Variants in NELL1 observed in about 807,000 individuals in gnomAD.
NELL1 encodes the protein neural EGFL like 1.
A neutral mutation model predicts 107.4 loss-of-function variants in NELL1; 76 were observed. That is an observed-to-expected ratio of 0.71 (90% CI 0.59 to 0.86). NELL1 has a LOEUF of 0.86. Among genes scored for constraint, NELL1 ranks in the 40% least tolerant of loss-of-function variants. The probability of loss-of-function intolerance (pLI) is 0.00; values close to 1 mark genes in which losing one functional copy is unlikely to be tolerated. For synonymous variants in NELL1, 353 were observed against 341.2 expected, an observed-to-expected ratio of 1.03 and a Z score of -0.38; for missense variants, 1,024 against 1,005.5, an observed-to-expected ratio of 1.02 and a Z score of -0.25.
chr11:20,744,411 T>C (rs1488951284), intron 2 of NELL1, among the ~76,000 whole-genome samples: 1 of 152,240 alleles, frequency 6.6e-6, no homozygotes, highest in African/African-American at 2.4e-5. Flanking sequence ...AGTCAGCTAT[T>C]GCTGTATAAC....
At chr11:21,089,319 C>T (rs1018802443) in intron 12 of NELL1, among the ~76,000 whole-genome samples, 8 of 152,088 alleles carry the variant, frequency 5.3e-5, no homozygotes, top group African/African-American at 1.9e-4. Context: ...TGAAAACTAA[C>T]CAAAGTGCTA....
chr11:20,748,290 T>C (rs200661212), intron 2 of NELL1, among the ~76,000 whole-genome samples: 2 of 152,186 alleles, frequency 1.3e-5, no homozygotes, highest in East Asian at 1.9e-4. Context: ...TCCAGCCACA[T>C]TGAGGTCCTT....
At chr11:21,423,325 G>A (rs1450707674) in intron 15 of NELL1, among the ~76,000 whole-genome samples, 1 of 151,998 alleles carries the variant, frequency 6.6e-6, no homozygotes, top group Non-Finnish European at 1.5e-5. Flanking sequence ...AGCTGAGATT[G>A]CACCACTGCA....
chr11:20,748,915 TC>T (rs1564891830), intron 2 of NELL1, among the ~76,000 whole-genome samples: 2 of 123,862 alleles, frequency 1.6e-5, no homozygotes, highest in African/African-American at 6.8e-5. Flanking sequence ...CAGCCACCCA[TC>T]CATCCATCCA....
intron 15 of NELL1, among the ~76,000 whole-genome samples, chr11:21,462,449 C>G (rs1408321512): frequency 6.6e-6 from 1 of 152,022 alleles, no homozygotes; most frequent in African/African-American, 2.4e-5. Flanking sequence ...TTTTCTTTCC[C>G]CCCTCTACAA....
At chr11:21,511,496 T>C (rs905411193) in intron 15 of NELL1, among the ~76,000 whole-genome samples, 1 of 151,972 alleles carries the variant, frequency 6.6e-6, no homozygotes, top group Non-Finnish European at 1.5e-5. Context: ...TACAGTGCAG[T>C]GAAGGAAGAG....
chr11:20,705,581 A>T (rs193286461), intron 2 of NELL1, among the ~76,000 whole-genome samples: 21,492 of 141,270 alleles, frequency 0.15, 4,402 homozygotes, highest in African/African-American at 0.19. Context: ...AACCTAGGCA[A>T]TACCATTCAG....
intron 12 of NELL1, among the ~76,000 whole-genome samples, chr11:21,094,026 C>T (rs1306106201): frequency 6.6e-6 from 1 of 152,174 alleles, no homozygotes; most frequent in Non-Finnish European, 1.5e-5. Flanking sequence ...TCGAAAGTCT[C>T]ATCTGAGACA....
chr11:21,173,900 C>T (rs10500899), intron 13 of NELL1, among the ~76,000 whole-genome samples: 51,661 of 151,364 alleles, frequency 0.34, 9,156 homozygotes, highest in Middle Eastern at 0.39. Flanking sequence ...GATACCTAAT[C>T]TCTGTCCTAA....
intron 3 of NELL1, among the ~76,000 whole-genome samples, chr11:20,832,155 A>G (rs1049902130): frequency 3.3e-5 from 5 of 152,210 alleles, no homozygotes; most frequent in African/African-American, 4.8e-5. Flanking sequence ...GTGTCTCACT[A>G]TGAATGACCG....
chr11:21,256,573 G>A (rs1858773676), intron 14 of NELL1, among the ~76,000 whole-genome samples: 1 of 151,882 alleles, frequency 6.6e-6, no homozygotes, highest in Non-Finnish European at 1.5e-5. Context: ...GACTTCTTGG[G>A]GTCAGCTGTG....
At chr11:20,885,298 A>C (rs78655755) in intron 4 of NELL1, 146 bp from the exon 5 acceptor site, 1 of 599,586 alleles carries the variant, frequency 1.7e-6, no homozygotes, top group Non-Finnish European at 3.1e-6. Context: ...AGATCTCTAC[A>C]TTCATGTTAT....
At chr11:20,928,343 T>TC (rs1416859068) in intron 8 of NELL1, 34 bp from the exon 9 acceptor site, 1 of 1,568,160 alleles carries the variant, frequency 6.4e-7, no homozygotes, top group Non-Finnish European at 8.8e-7. Context: ...AAAGGATACT[T>TC]CTGAGATTAT....
intron 15 of NELL1, among the ~76,000 whole-genome samples, chr11:21,479,227 T>C (rs1854427398): frequency 6.7e-6 from 1 of 148,300 alleles, no homozygotes; most frequent in African/African-American, 2.5e-5. Context: ...ATCAAAGAGA[T>C]ATCTACACTC....
chr11:20,684,394 C>T (rs1262251738), intron 2 of NELL1, among the ~76,000 whole-genome samples: 1 of 151,994 alleles, frequency 6.6e-6, no homozygotes, highest in Non-Finnish European at 1.5e-5. Context: ...TCTGTCATTA[C>T]TATCACTTAG....
intron 12 of NELL1, among the ~76,000 whole-genome samples, chr11:20,978,125 G>A (rs1246962737): frequency 6.6e-6 from 1 of 152,168 alleles, no homozygotes; most frequent in Non-Finnish European, 1.5e-5. Context: ...CTTTGTAAGA[G>A]GGAATTGAGG....
intron 15 of NELL1, among the ~76,000 whole-genome samples, chr11:21,423,208 T>C (rs935095498): frequency 2.3e-4 from 35 of 150,942 alleles, no homozygotes; most frequent in African/African-American, 8.3e-4. Flanking sequence ...CCACTAAAAA[T>C]ACAAAAAAAA....
At chr11:21,528,159 C>T (rs752402183) in intron 15 of NELL1, among the ~76,000 whole-genome samples, 13 of 152,124 alleles carry the variant, frequency 8.5e-5, no homozygotes, top group South Asian at 2.1e-4. Flanking sequence ...AGTTACAGAA[C>T]GATAAATATC....
intron 2 of NELL1, among the ~76,000 whole-genome samples, chr11:20,742,126 A>T (rs1035669676): frequency 6.6e-6 from 1 of 152,142 alleles, no homozygotes; most frequent in African/African-American, 2.4e-5. Flanking sequence ...ATTGAGGAGG[A>T]CTTTGCAGTA....
Sources: gnomAD v4.1 joint callset for allele counts (sites outside exome capture counted in the v4.1 genomes callset) on GRCh38, gnomAD v4.1.1 for gene constraint, MANE v1.5 for transcripts, NCBI Gene and HGNC (gene_info 2026-07-23, HGNC 2026-07-21) for gene names.